Variants in SGK1 observed in about 807,000 individuals in gnomAD.
SGK1 encodes serum/glucocorticoid regulated kinase 1, also known as serine/threonine-protein kinase Sgk1.
Under a neutral mutation model 64.2 loss-of-function variants are expected in SGK1, and 26 were observed. That is an observed-to-expected ratio of 0.40 (90% CI 0.30 to 0.56). The LOEUF (loss-of-function observed/expected upper bound fraction) is 0.56, where lower values mean the gene tolerates loss of function less well. Among genes scored for constraint, SGK1 ranks in the 20% least tolerant of loss-of-function variants. The pLI, the probability that SGK1 is intolerant of heterozygous loss-of-function variation, is 0.38. For synonymous variants in SGK1, 265 were observed against 239.7 expected, an observed-to-expected ratio of 1.11 and a Z score of -0.98; for missense variants, 519 against 645.6, an observed-to-expected ratio of 0.80 and a Z score of 2.12.
Position 134,173,325 on chromosome 6 carries a change from C to T in SGK1, c.651G>A (p.Val217=). 4.3e-6 allele frequency: 7 copies of T among 1,613,778 alleles called. No homozygotes were observed. The highest frequency in any genetic ancestry group is 5.9e-6 in the Non-Finnish European group (7 of 1,179,690). Residue 217 remains valine (V), a synonymous_variant, in exon 7 of 14, where the codon GTG becomes GTA. Coordinates refer to ENST00000367858, the MANE Select transcript of SGK1 (RefSeq NM_001143676.3). ...TCTGTAAAACTTTGACTGCATAGAA[C>T]ACTTCTTCTGCCTTGTGTCTTGCTA... The part of the protein sequence containing the change: ...VLLARHKAEE[V]FYAVKVLQKK...
chr6:134,285,808 G>T (rs1348949484), intron 1 of SGK1, among the ~76,000 whole-genome samples: 2 of 151,760 alleles, frequency 1.3e-5, no homozygotes, highest in African/African-American at 4.8e-5. Flanking sequence ...CCATTAACTT[G>T]TGCTAAAGGT....
intron 3 of SGK1, chr6:134,174,956 G>T: frequency 7.2e-7 from 1 of 1,395,838 alleles, no homozygotes; most frequent in South Asian, 1.4e-5. Flanking sequence ...CCTTCGCCTC[G>T]CCCCTCGCCC....
chr6:134,209,033 T>C (rs188527314), intron 2 of SGK1, among the ~76,000 whole-genome samples: 169 of 152,200 alleles, frequency 1.1e-3, no homozygotes, highest in Non-Finnish European at 1.1e-3. Context: ...CTGTTTTCCA[T>C]AGTGGTTGTA....
chr6:134,312,688 GTTC>G (rs1256601185), intron 1 of SGK1, among the ~76,000 whole-genome samples: 1 of 152,246 alleles, frequency 6.6e-6, no homozygotes, highest in African/African-American at 2.4e-5. Context: ...CTTGGGGCAA[GTTC>G]TTCAACTTCT....
At chr6:134,229,077 C>T (rs190300383) in intron 2 of SGK1, among the ~76,000 whole-genome samples, 2 of 152,322 alleles carry the variant, frequency 1.3e-5, no homozygotes, top group Admixed American at 6.5e-5. Flanking sequence ...GTGATCCGCC[C>T]GCCTTGGCCT....
chr6:134,234,470 A>G (rs1256825306), intron 2 of SGK1, among the ~76,000 whole-genome samples: 4 of 152,246 alleles, frequency 2.6e-5, no homozygotes, highest in Non-Finnish European at 4.4e-5. Flanking sequence ...AAGGAGAGAC[A>G]AAAAGACCAA....
intron 2 of SGK1, among the ~76,000 whole-genome samples, chr6:134,239,789 A>T (rs1776415456): frequency 6.6e-6 from 1 of 152,186 alleles, no homozygotes; most frequent in Admixed American, 6.5e-5. Context: ...TCTTTGCTCT[A>T]ACCTATCTGC....
Position 134,292,023 on chromosome 6 carries a change from G to A in SGK1, c.69+25369C>T, listed in dbSNP as rs374714229. On this transcript the variant is annotated intron_variant, in intron 1 of 13. Coordinates refer to ENST00000367858, the MANE Select transcript of SGK1 (RefSeq NM_001143676.3). ...GGTTACAGTGAACTGAGATCACACC[G>A]TTGCACTCCAACCTGGGTGACAGAG... 2.3e-4 allele frequency among the ~76,000 whole-genome samples: 34 copies of A among 149,024 alleles called. No homozygotes were observed. The East Asian group carries it at 5.6e-3, about 24-fold the overall frequency.
chr6:134,256,163 A>G (rs903958275), intron 2 of SGK1, among the ~76,000 whole-genome samples: 1 of 150,828 alleles, frequency 6.6e-6, no homozygotes, highest in African/African-American at 2.4e-5. Flanking sequence ...TATCTGGAAC[A>G]TTATTATTTT....
chr6:134,206,955 G>C (rs955194664), intron 3 of SGK1, among the ~76,000 whole-genome samples: 1 of 151,966 alleles, frequency 6.6e-6, no homozygotes, highest in Non-Finnish European at 1.5e-5. Context: ...GCCGGGCGCG[G>C]TGGCTCACGC....
rs140971854 is a variant in SGK1, at chr6:134,254,993, C to T, written c.285+6940G>A. Reference sequence around the variant, plus strand: ...AAGCAATTCTCCAGCCTCAACCTCCCGAGTAGCTGAGATTGCAGGCATGCG... The same window carrying T: ...AAGCAATTCTCCAGCCTCAACCTCCTGAGTAGCTGAGATTGCAGGCATGCG... On this transcript the variant is annotated intron_variant, in intron 2 of 13. Transcript: ENST00000367858. Among the ~76,000 whole-genome samples the T allele has an allele frequency of 6.0e-4, 91 of 152,186 alleles. No individual in the cohort carries two copies. The East Asian group carries it at 0.016, about 27-fold the overall frequency.
chr6:134,171,755 A>G (rs1163883243), intron 10 of SGK1, 23 bp from the exon 11 acceptor site: 2 of 1,536,148 alleles, frequency 1.3e-6, no homozygotes, highest in South Asian at 2.2e-5. Flanking sequence ...CCAGGGAAAC[A>G]GCGTTTAGAA....
chr6:134,299,893 C>A (rs1777420172), intron 1 of SGK1, among the ~76,000 whole-genome samples: 1 of 150,236 alleles, frequency 6.7e-6, no homozygotes, highest in African/African-American at 2.5e-5. Flanking sequence ...CAAGAAGGTC[C>A]AAATACCTCA....
At chr6:134,174,854 C>G in intron 3 of SGK1, 1 of 1,612,466 alleles carries the variant, frequency 6.2e-7, no homozygotes, top group South Asian at 1.1e-5. Flanking sequence ...AAGACCGGCT[C>G]GGCGTATGCT....
intron 1 of SGK1, among the ~76,000 whole-genome samples, chr6:134,271,930 C>T (rs1486825776): frequency 6.8e-6 from 1 of 146,054 alleles, no homozygotes; most frequent in Non-Finnish European, 1.5e-5. Flanking sequence ...CAACCTCCAC[C>T]TCCCAGGTTC....
intron 3 of SGK1, chr6:134,175,598 T>C: frequency 6.5e-7 from 1 of 1,550,214 alleles, no homozygotes; most frequent in Non-Finnish European, 8.7e-7. Flanking sequence ...GCCCTCTTTT[T>C]GTGGCGGGGC....
At chr6:134,202,097 G>A (rs936099635) in intron 3 of SGK1, among the ~76,000 whole-genome samples, 1 of 152,058 alleles carries the variant, frequency 6.6e-6, no homozygotes, top group Non-Finnish European at 1.5e-5. Context: ...AATTACAGCA[G>A]CCAGTAAAAG....
At chr6:134,307,824 C>G (rs1405502260) in intron 1 of SGK1, among the ~76,000 whole-genome samples, 1 of 152,168 alleles carries the variant, frequency 6.6e-6, no homozygotes, top group African/African-American at 2.4e-5. Flanking sequence ...CATCAATACT[C>G]TCTCTATTCC....
chr6:134,194,010 C>A (rs933062081), intron 3 of SGK1, among the ~76,000 whole-genome samples: 2 of 151,916 alleles, frequency 1.3e-5, no homozygotes, highest in African/African-American at 4.8e-5. Flanking sequence ...CTCACACCCA[C>A]ACTCATGCTC....
Sources: gnomAD v4.1 joint callset for allele counts (sites outside exome capture counted in the v4.1 genomes callset) on GRCh38, gnomAD v4.1.1 for gene constraint, MANE v1.5 for transcripts, NCBI Gene and HGNC (gene_info 2026-07-23, HGNC 2026-07-21) for gene names.